CACNB4: variants seen among roughly 807,000 people sequenced by gnomAD.
CACNB4 encodes voltage-dependent L-type calcium channel subunit beta-4.
CACNB4 carries 32 observed loss-of-function variants against 71.2 expected under a neutral mutation model. The ratio of observed to expected loss-of-function variants is 0.45; its 90% CI spans 0.34 to 0.60. The LOEUF (loss-of-function observed/expected upper bound fraction) is 0.60, where lower values mean the gene tolerates loss of function less well. Among genes scored for constraint, CACNB4 ranks in the 20% least tolerant of loss-of-function variants. The probability of loss-of-function intolerance (pLI) is 0.01; values close to 1 mark genes in which losing one functional copy is unlikely to be tolerated. For synonymous variants in CACNB4, 231 were observed against 236.9 expected (o/e 0.97, Z 0.23); for missense variants, 464 against 647.9 (o/e 0.72, Z 3.08).
intron 12 of CACNB4, among the ~76,000 whole-genome samples, chr2:151,842,954 AG>A (rs1477072882): frequency 6.6e-6 from 1 of 152,266 alleles, no homozygotes; most frequent in Non-Finnish European, 1.5e-5. Flanking sequence ...CAATAAGGAA[AG>A]AAAGTTTAGG....
chr2:152,093,929 C>T (rs879523933), intron 2 of CACNB4, among the ~76,000 whole-genome samples: 16 of 152,226 alleles, frequency 1.1e-4, no homozygotes, highest in Admixed American at 9.8e-4. Flanking sequence ...TGGAGCAGAA[C>T]CTCATGCCTA....
At chr2:152,036,568 G>C (rs1474636036) in intron 2 of CACNB4, among the ~76,000 whole-genome samples, 1 of 152,132 alleles carries the variant, frequency 6.6e-6, no homozygotes, top group East Asian at 1.9e-4. Flanking sequence ...CAAAGTGCTG[G>C]AATTATAGGC....
chr2:151,996,244 T>C (rs1682035354), intron 2 of CACNB4, among the ~76,000 whole-genome samples: 1 of 152,228 alleles, frequency 6.6e-6, no homozygotes, highest in Non-Finnish European at 1.5e-5. Context: ...TACTCATTTA[T>C]TGAATGAAGA....
chr2:151,870,399 C>G lies in CACNB4; in HGVS notation c.699+132G>C, dbSNP rs764624268. On this transcript the variant is annotated intron_variant, in intron 8 of 13. Coordinates refer to ENST00000539935, the MANE Select transcript of CACNB4 (RefSeq NM_000726.5). ...GCCTCATGAGCCCCACACGGTACCC[C>G]CTGCCTTCCCATGCTGAGCACTGGC... 1.1e-4 allele frequency: 83 copies of G among 750,776 alleles called. No individual in the cohort carries two copies. In the Middle Eastern group the frequency reaches 1.1e-3, roughly 10 times the overall value. 46.5% of individuals were successfully genotyped at this position (750,776 alleles called of 1,614,324 possible). A position where few individuals can be genotyped will look rare whatever the true frequency, so the allele number is the denominator to read the frequency against.
intron 9 of CACNB4, chr2:151,867,950 C>T (rs1044490156): frequency 2.6e-5 from 4 of 152,198 alleles, no homozygotes; most frequent in African/African-American, 9.7e-5. Flanking sequence ...AATCACTACA[C>T]ATTTTGGGGT....
At chr2:151,974,577 G>GT (rs1157363053) in intron 2 of CACNB4, among the ~76,000 whole-genome samples, 1 of 152,186 alleles carries the variant, frequency 6.6e-6, no homozygotes, top group Non-Finnish European at 1.5e-5. Flanking sequence ...TTAGTTGAAT[G>GT]TTTTTAAATC....
rs201014643 is a variant in CACNB4 at position 151,861,851 on chromosome 2, A to AAAAAAAAAAAAAAAAAAAAAAAAAAAAAC, written c.759-1032_759-1031insGTTTTTTTTTTTTTTTTTTTTTTTTTTTT. On this transcript the variant is annotated intron_variant, in intron 9 of 13. Coordinates refer to ENST00000539935, the MANE Select transcript of CACNB4 (RefSeq NM_000726.5). ...GGGTGAGACCCTGTCTCAAAAAAAA[A>AAAAAAAAAAAAAAAAAAAAAAAAAAAAAC]AAAAAAACTGAAGAATAAAGCAAAG... The AAAAAAAAAAAAAAAAAAAAAAAAAAAAAC allele has an allele frequency of 3.5e-4, 47 of 135,314 alleles. 4 individuals are homozygous for AAAAAAAAAAAAAAAAAAAAAAAAAAAAAC. The highest frequency in any genetic ancestry group is 5.2e-4 in the African/African-American group (18 of 34,694). The allele number at this position is 135,314 out of a possible 1,614,324, so 8.4% of individuals were successfully genotyped here.
At chr2:152,005,079 C>A (rs1682647911) in intron 2 of CACNB4, among the ~76,000 whole-genome samples, 1 of 152,160 alleles carries the variant, frequency 6.6e-6, no homozygotes, top group Non-Finnish European at 1.5e-5. Flanking sequence ...GGTGGGAATG[C>A]AAATTAGTTC....
At chr2:151,859,573 C>T (rs2099841134) in intron 10 of CACNB4, 1 of 152,164 alleles carries the variant, frequency 6.6e-6, no homozygotes, top group African/African-American at 2.4e-5. Context: ...GCCATTGTAC[C>T]TCTTCAAGGT....
At chr2:151,975,176 CA>C (rs1277226046) in intron 2 of CACNB4, among the ~76,000 whole-genome samples, 1 of 152,224 alleles carries the variant, frequency 6.6e-6, no homozygotes, top group Non-Finnish European at 1.5e-5. Flanking sequence ...AGCTGGAAGG[CA>C]CTGGCTGCAG....
chr2:152,088,068 A>G (rs1396222011), intron 2 of CACNB4, among the ~76,000 whole-genome samples: 2 of 151,842 alleles, frequency 1.3e-5, no homozygotes, highest in African/African-American at 4.8e-5. Context: ...GCTAACAGGG[A>G]TAGGTTTCTT....
At chr2:152,036,442 GGC>G (rs1194961467) in intron 2 of CACNB4, among the ~76,000 whole-genome samples, 1 of 152,110 alleles carries the variant, frequency 6.6e-6, no homozygotes, top group African/African-American at 2.4e-5. Context: ...TGGGATTACA[GGC>G]GCGCGCCACC....
At chr2:151,933,590 C>T (rs1019770991) in intron 2 of CACNB4, among the ~76,000 whole-genome samples, 3 of 152,116 alleles carry the variant, frequency 2.0e-5, no homozygotes, top group African/African-American at 7.2e-5. Context: ...AAAGCTGGGT[C>T]TGAGCAACAT....
intron 2 of CACNB4, among the ~76,000 whole-genome samples, chr2:151,943,796 A>C (rs1239006753): frequency 6.6e-6 from 1 of 152,242 alleles, no homozygotes; most frequent in East Asian, 1.9e-4. Flanking sequence ...AACACATGAT[A>C]GCCTTATGCA....
intron 2 of CACNB4, among the ~76,000 whole-genome samples, chr2:151,916,821 T>C (rs556352411): frequency 6.6e-6 from 1 of 152,340 alleles, no homozygotes; most frequent in Non-Finnish European, 1.5e-5. Flanking sequence ...AGAGACATTT[T>C]TCATTCTCAC....
chr2:151,869,495 T>A (rs2099844055), intron 8 of CACNB4: 1 of 357,878 alleles, frequency 2.8e-6, no homozygotes, highest in Admixed American at 4.3e-5. Context: ...CCCTCTTCCC[T>A]CTTCCCTCGT....
chr2:152,060,347 G>A (rs1438572616), intron 2 of CACNB4, among the ~76,000 whole-genome samples: 2 of 152,146 alleles, frequency 1.3e-5, no homozygotes, highest in African/African-American at 2.4e-5. Context: ...AATTATTAAT[G>A]CATTATTAAT....
intron 2 of CACNB4, among the ~76,000 whole-genome samples, chr2:152,019,990 A>G (rs1480914273): frequency 6.6e-6 from 1 of 152,198 alleles, no homozygotes; most frequent in East Asian, 1.9e-4. Context: ...AAGGCCCAGA[A>G]GCAGATGAAG....
chr2:151,916,172 C>T (rs555802860), intron 2 of CACNB4, among the ~76,000 whole-genome samples: 31 of 152,248 alleles, frequency 2.0e-4, no homozygotes, highest in Non-Finnish European at 4.0e-4. Context: ...CTCCAAAAGC[C>T]GCTGCTTCTA....
Sources: allele counts gnomAD v4.1 joint callset (sites outside exome capture counted in the v4.1 genomes callset), GRCh38; gene constraint gnomAD v4.1.1; transcripts MANE v1.5; gene names NCBI Gene and HGNC (gene_info 2026-07-23, HGNC 2026-07-21).